The following NT5C1B variants were observed in gnomAD, a reference collection of about 807,000 sequenced individuals.
NT5C1B encodes the protein cytosolic 5'-nucleotidase 1B.
Under a neutral mutation model 57.8 loss-of-function variants are expected in NT5C1B, and 44 were observed. That is an observed-to-expected ratio of 0.76 (90% CI 0.60 to 0.98). The LOEUF (loss-of-function observed/expected upper bound fraction) is 0.98, where lower values mean the gene tolerates loss of function less well. Ranked by LOEUF, NT5C1B falls within the 50% of genes least tolerant of loss-of-function variation. The pLI is 0.00. For missense variants in NT5C1B, 742 were observed against 719.5 expected (o/e 1.03, Z -0.36); for synonymous variants, 284 against 282.6 (o/e 1.00, Z -0.05).
rs1181133218 is a variant in NT5C1B at position 18,584,520 on chromosome 2, G to A, written c.717C>T (p.Pro239=). 1 of 1,609,588 alleles carries A rather than the reference G, an allele frequency of 6.2e-7. No homozygotes were observed. The highest frequency in any genetic ancestry group is 1.1e-5 in the South Asian group (1 of 90,512). ...GGGCGGCGGGCTGGCTCACCGGCCA[G>A]GGGCGCGAGCAGCTCGGGTTCTTCT... Residue 239 remains proline (P), a synonymous_variant, in exon 4 of 9, where the codon CCC becomes CCT. Transcript: ENST00000304081. This position sits in a 1 kb window ranked among gnomAD's most constrained non-coding sequence, Gnocchi z 5.8.
At chr2:18,578,381 C>G (rs115078456) in intron 6 of NT5C1B, among the ~76,000 whole-genome samples, 2,376 of 152,176 alleles carry the variant, frequency 0.016, 59 homozygotes, top group African/African-American at 0.054. Context: ...AAAATACTAC[C>G]AAACCCAATC....
exon 9 of NT5C1B, chr2:18,563,821 C>T (rs79501117): frequency 1.3e-6 from 2 of 1,578,068 alleles, no homozygotes; most frequent in Non-Finnish European, 8.6e-7. Context: ...TTTATTAAAG[C>T]CATAAGCTGC....
Position 18,567,872 on chromosome 2 carries a change from T to C in NT5C1B, c.1330-3753A>G, listed in dbSNP as rs529405277. Among the ~76,000 whole-genome samples, 142 of 152,240 alleles carry C rather than the reference T, an allele frequency of 9.3e-4. 1 individual carries two copies. The highest frequency in any genetic ancestry group is 1.9e-3 in the Non-Finnish European group (128 of 68,004). ...ATGTCTACTTTAAAGGTGGATACCA[T>C]ACATGAGTAGACTAGCAATTTTGGC... On this transcript the variant is annotated intron_variant, in intron 8 of 8. Coordinates refer to ENST00000304081, the Ensembl canonical transcript of NT5C1B.
At chr2:18,583,959 A>T in intron 5 of NT5C1B, 129 bp downstream of exon 5, 1 of 1,532,632 alleles carries the variant, frequency 6.5e-7, no homozygotes, top group Non-Finnish European at 9.0e-7. Flanking sequence ...TGGGTCAGCT[A>T]GAAGGAGACA....
At chr2:18,566,535 A>G (rs1664657728) in intron 8 of NT5C1B, among the ~76,000 whole-genome samples, 1 of 152,146 alleles carries the variant, frequency 6.6e-6, no homozygotes, top group South Asian at 2.1e-4. Context: ...AACCACCCTC[A>G]TTGCAGTTAG....
chr2:18,573,156 T>C (rs1181361985), intron 8 of NT5C1B, among the ~76,000 whole-genome samples: 1 of 152,154 alleles, frequency 6.6e-6, no homozygotes, highest in Non-Finnish European at 1.5e-5. Context: ...TGACATGCAT[T>C]ATGCTATGAT....
At chr2:18,587,336 G>A in intron 2 of NT5C1B, 167 bp downstream of exon 2, 1 of 985,396 alleles carries the variant, frequency 1.0e-6, no homozygotes, top group Non-Finnish European at 1.2e-6. Flanking sequence ...GGGAAGGCAG[G>A]GCCCAACCTT....
Position 18,571,875 on chromosome 2 carries a change from G to A in NT5C1B, c.1329+4309C>T, listed in dbSNP as rs551365810. Among the ~76,000 whole-genome samples the A allele has an allele frequency of 8.0e-5, 12 of 149,838 alleles. No individual in the cohort carries two copies. In the South Asian group the frequency reaches 2.5e-3, roughly 32 times the overall value. On this transcript the variant is annotated intron_variant, in intron 8 of 8. Coordinates refer to ENST00000304081, the Ensembl canonical transcript of NT5C1B. Reference sequence around the variant, plus strand: ...CCAGCACTTTGGGAGGCTGAGGCGGGTCAGGAGTTTGAGACCAGCCTGGCC... The same window carrying A: ...CCAGCACTTTGGGAGGCTGAGGCGGATCAGGAGTTTGAGACCAGCCTGGCC...
intron 1 of NT5C1B, 31 bp from the exon 2 acceptor site, chr2:18,587,623 T>A: frequency 6.3e-7 from 1 of 1,598,364 alleles, no homozygotes; most frequent in Non-Finnish European, 8.5e-7. Flanking sequence ...TGTTTATTAA[T>A]TTTTAATCTC....
At chr2:18,578,573 T>C (rs939113396) in intron 6 of NT5C1B, among the ~76,000 whole-genome samples, 7 of 152,008 alleles carry the variant, frequency 4.6e-5, no homozygotes, top group Admixed American at 4.6e-4. Context: ...TCTCAATAGA[T>C]GCAAAAAAGG....
At position 18,585,153 on chromosome 2, in the gene NT5C1B, C is replaced by G. The variant is rs769713010; in HGVS notation, c.259-175G>C. The G allele has an allele frequency of 4.7e-6, 4 of 860,070 alleles. No individual in the cohort carries two copies. The African/African-American group carries it at 6.6e-5, about 14-fold the overall frequency. The allele number at this position is 860,070 out of a possible 1,614,324, so 53.3% of individuals were successfully genotyped here. A position where few individuals can be genotyped will look rare whatever the true frequency, so the allele number is the denominator to read the frequency against. On this transcript the variant is annotated intron_variant, in intron 3 of 8. Transcript: ENST00000304081. The stretch of plus-strand genomic sequence containing the variant: ...TCTAGGCCTCAGCTGTTTGATATTT[C>G]TGTTAAACAGACACAGAGACTGTCT...
intron 3 of NT5C1B, 71 bp from the exon 4 acceptor site, chr2:18,585,049 T>C (rs758452860): frequency 1.5e-5 from 23 of 1,583,960 alleles, no homozygotes; most frequent in Non-Finnish European, 1.9e-5. Flanking sequence ...CTGTCCCTTC[T>C]GCCTATTCCA....
Position 18,584,807 on chromosome 2 carries a change from G to T in NT5C1B, c.430C>A (p.Arg144=), listed in dbSNP as rs753832651. Residue 144 remains arginine, a synonymous_variant, in exon 4 of 9, where the codon CGG becomes AGG. Transcript: ENST00000304081. The surrounding 1 kb of genome is among the most constrained non-coding windows in gnomAD (Gnocchi z 5.8). ...TTCTCTTGCATTTTGGTGCTGCGCCGGGAGCCAGGATCGGGCTCTGGGGGC... is the reference window on the plus strand; with the variant it reads ...TTCTCTTGCATTTTGGTGCTGCGCCTGGAGCCAGGATCGGGCTCTGGGGGC... 2 of 1,613,048 alleles carry T rather than the reference G, an allele frequency of 1.2e-6. No individual in the cohort carries two copies. The highest frequency in any genetic ancestry group is 1.1e-5 in the South Asian group (1 of 91,050).
chr2:18,588,470 A>C lies in NT5C1B; in HGVS notation c.31-878T>G, dbSNP rs548178984. 8.5e-5 allele frequency among the ~76,000 whole-genome samples: 13 copies of C among 152,352 alleles called. No homozygotes were observed. In the South Asian group the frequency reaches 2.7e-3, roughly 32 times the overall value. On this transcript the variant is annotated intron_variant, in intron 1 of 8. Transcript: ENST00000304081. ...TCAATGTTAGTTGCATGAGAATGTT[A>C]GTTGCATGAGAGAATGGCATAGCTG...
chr2:18,576,189 C>T (rs983438069), exon 8 of NT5C1B: 1 of 1,609,838 alleles, frequency 6.2e-7, no homozygotes, highest in Non-Finnish European at 8.5e-7. Flanking sequence ...CCTACCTGAG[C>T]AAGAGGCTTA....
At chr2:18,579,124 G>GA (rs561859832) in intron 6 of NT5C1B, among the ~76,000 whole-genome samples, 383 of 151,816 alleles carry the variant, frequency 2.5e-3, no homozygotes, top group African/African-American at 8.7e-3. Flanking sequence ...AAACACTGCG[G>GA]AAAAAAAATC....
chr2:18,565,050 T>G (rs962308764), intron 8 of NT5C1B, among the ~76,000 whole-genome samples: 1 of 152,188 alleles, frequency 6.6e-6, no homozygotes, highest in Non-Finnish European at 1.5e-5. Flanking sequence ...CTAATTTTAG[T>G]CATTTATTTA....
intron 8 of NT5C1B, among the ~76,000 whole-genome samples, chr2:18,568,230 A>T (rs1407458632): frequency 6.6e-6 from 1 of 152,160 alleles, no homozygotes; most frequent in Non-Finnish European, 1.5e-5. Context: ...AATTCATAAC[A>T]TTTGTCATCA....
intron 5 of NT5C1B, 52 bp from the exon 6 acceptor site, chr2:18,583,049 TGG>T: frequency 1.9e-6 from 3 of 1,582,438 alleles, no homozygotes; most frequent in Non-Finnish European, 2.6e-6. Flanking sequence ...AGGGTGGATC[TGG>T]GGAGGCCGGA....
Sources: gnomAD v4.1 joint callset for allele counts (sites outside exome capture counted in the v4.1 genomes callset) on GRCh38, gnomAD v4.1.1 for gene constraint, Gnocchi (gnomAD v3.1) non-coding constraint, MANE v1.5 for transcripts, NCBI Gene and HGNC (gene_info 2026-07-23, HGNC 2026-07-21) for gene names.